PMFBP1: variants seen among roughly 807,000 people sequenced by gnomAD.
The protein encoded by PMFBP1 is polyamine-modulated factor 1-binding protein 1.
A neutral mutation model predicts 137.8 loss-of-function variants in PMFBP1; 131 were observed. The observed-to-expected ratio is 0.95, with a 90% CI of 0.82 to 1.10. The LOEUF is 1.10. PMFBP1 is among the 50% of genes least tolerant of loss of function. The probability of loss-of-function intolerance (pLI) is 0.00; values close to 1 mark genes in which losing one functional copy is unlikely to be tolerated. For missense variants in PMFBP1, 1,199 were observed against 1,175.4 expected (o/e 1.02, Z -0.29); for synonymous variants, 490 against 450.4 (o/e 1.09, Z -1.11).
the PMFBP1 span, among the ~76,000 whole-genome samples, chr16:72,233,772 T>C: frequency 6.6e-6 from 1 of 152,254 alleles, no homozygotes; most frequent in East Asian, 1.9e-4. Flanking sequence ...AAACCATTAC[T>C]TTATTTTCTA....
At chr16:72,153,953 CACACACACAT>C (rs1201103981) in intron 4 of PMFBP1, among the ~76,000 whole-genome samples, 2 of 150,194 alleles carry the variant, frequency 1.3e-5, no homozygotes, top group Admixed American at 6.8e-5. Context: ...CACACACACA[CACACACACAT>C]GCCTGCACAC....
At chr16:72,176,312 C>T (rs1374496734), upstream of PMFBP1, among the ~76,000 whole-genome samples, 1 of 152,118 alleles carries the variant, frequency 6.6e-6, no homozygotes, top group African/African-American at 2.4e-5. Context: ...AAATGTCTCC[C>T]CCTGGCTCTC....
At chr16:72,210,025 T>C in the PMFBP1 span, among the ~76,000 whole-genome samples, 1 of 152,172 alleles carries the variant, frequency 6.6e-6, no homozygotes, top group East Asian at 1.9e-4. Flanking sequence ...GTGTTGTTAG[T>C]CTTTGGGCAC....
At chr16:72,229,671 C>T in the PMFBP1 span, among the ~76,000 whole-genome samples, 6 of 152,132 alleles carry the variant, frequency 3.9e-5, no homozygotes, top group East Asian at 1.2e-3. Flanking sequence ...TAAATGTCTG[C>T]TCATGTCCTC....
At chr16:72,205,905 G>C in the PMFBP1 span, among the ~76,000 whole-genome samples, 1 of 152,094 alleles carries the variant, frequency 6.6e-6, no homozygotes. Flanking sequence ...ATCTCTTCCT[G>C]TTCTACTGCT....
At chr16:72,191,801 C>T in the PMFBP1 span, among the ~76,000 whole-genome samples, 1 of 152,176 alleles carries the variant, frequency 6.6e-6, no homozygotes, top group Non-Finnish European at 1.5e-5. Flanking sequence ...TCCTGGCAGG[C>T]ACCCAGCTAG....
intron 3 of PMFBP1, among the ~76,000 whole-genome samples, chr16:72,155,384 GC>G (rs1220105592): frequency 6.6e-6 from 1 of 152,114 alleles, no homozygotes; most frequent in African/African-American, 2.4e-5. Flanking sequence ...TCCCTGCAAA[GC>G]TGTCTTTGCA....
chr16:72,214,633 A>G, the PMFBP1 span, among the ~76,000 whole-genome samples: 2 of 152,256 alleles, frequency 1.3e-5, no homozygotes, highest in African/African-American at 2.4e-5. Context: ...AGTTCCCAGC[A>G]TAATGATGGA....
upstream of PMFBP1, among the ~76,000 whole-genome samples, chr16:72,180,732 C>A (rs1362134795): frequency 6.6e-6 from 1 of 152,088 alleles, no homozygotes; most frequent in Non-Finnish European, 1.5e-5. Flanking sequence ...AAATCAGAGG[C>A]CTTTGGCTAA....
intron 2 of PMFBP1, among the ~76,000 whole-genome samples, chr16:72,170,723 C>A (rs538498951): frequency 6.6e-6 from 1 of 152,280 alleles, no homozygotes; most frequent in African/African-American, 2.4e-5. Context: ...TGAGTCACTG[C>A]GCCTGGCCCC....
chr16:72,238,164 C>T, the PMFBP1 span, among the ~76,000 whole-genome samples: 1 of 152,282 alleles, frequency 6.6e-6, no homozygotes, highest in African/African-American at 2.4e-5. Flanking sequence ...TGGGTATATA[C>T]CCAGTAATGG....
intron 5 of PMFBP1, among the ~76,000 whole-genome samples, chr16:72,146,326 G>T (rs182601199): frequency 1.3e-5 from 2 of 152,054 alleles, no homozygotes; most frequent in African/African-American, 2.4e-5. Context: ...ATTCAACAGC[G>T]CTTCATGCTA....
chr16:72,137,786 C>T (rs1352069012), intron 7 of PMFBP1, among the ~76,000 whole-genome samples: 1 of 152,100 alleles, frequency 6.6e-6, no homozygotes, highest in Non-Finnish European at 1.5e-5. Flanking sequence ...CAATTCGTTG[C>T]CTGGCATCGG....
rs180672670 is a variant in PMFBP1, at chr16:72,130,766, G to A, written c.1448-44C>T. On this transcript the variant is annotated intron_variant, in intron 10 of 20. Coordinates refer to ENST00000237353, the MANE Select transcript of PMFBP1 (RefSeq NM_031293.3). ...GGCCATGTGAGAAGGGAGGGTGTAT[G>A]AAGATCACACTCTTATCAGCCTGGC... 3.9e-6 allele frequency: 6 copies of A among 1,545,136 alleles called. No individual in the cohort carries two copies. In the East Asian group the frequency reaches 1.4e-4, roughly 35 times the overall value.
rs769981758 is a variant in PMFBP1 at position 72,164,797 on chromosome 16, C to G, written c.132G>C (p.Gln44His). 6.2e-7 allele frequency: 1 copy of G among 1,604,962 alleles called. No individual in the cohort carries two copies. The highest frequency in any genetic ancestry group is 1.1e-5 in the South Asian group (1 of 90,798). ...TGTTCATTGCCTCCTCCATGCAGAG[C>G]TGATTGTCCTGCAAGGTCTTCCTCT... ...KRQRKTLQDN[Q>H]LCMEEAMNSS... The change falls in exon 3 of 21, where the codon CAG becomes CAC. Residue 44 changes from glutamine to histidine, a missense_variant. Physicochemically the swap from Gln to His is conservative, Grantham distance 24. Transcript: ENST00000237353.
chr16:72,223,364 T>A, the PMFBP1 span, among the ~76,000 whole-genome samples: 1 of 152,310 alleles, frequency 6.6e-6, no homozygotes, highest in South Asian at 2.1e-4. Context: ...TTTAAAAGAC[T>A]GGGTGTAGTT....
the PMFBP1 span, among the ~76,000 whole-genome samples, chr16:72,186,126 T>C: frequency 6.6e-6 from 1 of 152,158 alleles, no homozygotes; most frequent in Admixed American, 6.5e-5. Flanking sequence ...GATAAGCTCT[T>C]TCTTACATAG....
the PMFBP1 span, among the ~76,000 whole-genome samples, chr16:72,192,230 C>G: frequency 6.6e-6 from 1 of 152,116 alleles, no homozygotes; most frequent in Non-Finnish European, 1.5e-5. Context: ...GAGACACACA[C>G]GTTTGAGAGG....
chr16:72,189,690 C>A, the PMFBP1 span, among the ~76,000 whole-genome samples: 2 of 152,134 alleles, frequency 1.3e-5, no homozygotes, highest in Non-Finnish European at 2.9e-5. Flanking sequence ...GGTCTTCCTG[C>A]CTGCTGCAAA....
Sources: allele counts gnomAD v4.1 joint callset (sites outside exome capture counted in the v4.1 genomes callset), GRCh38; gene constraint gnomAD v4.1.1; transcripts MANE v1.5; gene names NCBI Gene and HGNC (gene_info 2026-07-23, HGNC 2026-07-21).